Variants in PICALM observed in about 807,000 individuals in gnomAD.
PICALM encodes phosphatidylinositol binding clathrin assembly protein, also known as phosphatidylinositol-binding clathrin assembly protein.
PICALM carries 40 observed loss-of-function variants against 80.5 expected under a neutral mutation model. That is an observed-to-expected ratio of 0.50 (90% CI 0.39 to 0.65). The LOEUF is 0.65. PICALM is among the 30% of genes least tolerant of loss of function. PICALM has a pLI of 0.00. For missense variants in PICALM, 676 were observed against 778.9 expected (o/e 0.87, Z 1.57); for synonymous variants, 288 against 260.3 (o/e 1.11, Z -1.02).
chr11:86,062,939 T>C (rs1565610881), intron 1 of PICALM, among the ~76,000 whole-genome samples: 1 of 152,232 alleles, frequency 6.6e-6, no homozygotes, highest in Non-Finnish European at 1.5e-5. Flanking sequence ...AGACTTTACT[T>C]TGAAAGTCTA....
At chr11:86,052,634 G>A (rs1287858177) in intron 1 of PICALM, among the ~76,000 whole-genome samples, 1 of 152,162 alleles carries the variant, frequency 6.6e-6, no homozygotes, top group East Asian at 1.9e-4. Context: ...TCAGCTTCCA[G>A]ATCAGCAAAA....
At chr11:85,987,629 G>T (rs184289919) in intron 13 of PICALM, among the ~76,000 whole-genome samples, 1 of 152,192 alleles carries the variant, frequency 6.6e-6, no homozygotes, top group African/African-American at 2.4e-5. Context: ...ACATATACAA[G>T]AATTTTAAAT....
intron 1 of PICALM, among the ~76,000 whole-genome samples, chr11:86,045,511 T>C (rs534126158): frequency 2.1e-5 from 2 of 95,638 alleles, no homozygotes; most frequent in Non-Finnish European, 2.1e-5. Flanking sequence ...AGACCCTGTC[T>C]TGAAATTCAA....
intron 1 of PICALM, among the ~76,000 whole-genome samples, chr11:86,060,970 T>C (rs1365165251): frequency 6.6e-6 from 1 of 152,166 alleles, no homozygotes; most frequent in Admixed American, 6.5e-5. Flanking sequence ...TTTTCTGCTC[T>C]GTGAAAGGCA....
chr11:85,960,093 C>A (rs1352763863), intron 19 of PICALM, among the ~76,000 whole-genome samples: 1 of 152,022 alleles, frequency 6.6e-6, no homozygotes, highest in Non-Finnish European at 1.5e-5. Context: ...TATACTAAGT[C>A]TTTTTATTAA....
chr11:86,011,530 T>C (rs1353859989), intron 6 of PICALM, among the ~76,000 whole-genome samples: 1 of 152,212 alleles, frequency 6.6e-6, no homozygotes, highest in African/African-American at 2.4e-5. Flanking sequence ...AGAAAGTTCA[T>C]TTAAGTTTAA....
intron 8 of PICALM, among the ~76,000 whole-genome samples, chr11:86,006,083 C>T (rs966926133): frequency 5.3e-5 from 8 of 152,138 alleles, no homozygotes; most frequent in African/African-American, 1.7e-4. Flanking sequence ...GGAAGCATAA[C>T]AAATGGGGTG....
chr11:85,960,804 G>C, intron 19 of PICALM: 4 of 1,064,892 alleles, frequency 3.8e-6, no homozygotes, highest in Admixed American at 7.5e-5. Context: ...CAGAGAGAGG[G>C]AAAGAAAAAA....
At chr11:86,065,530 T>C (rs546798986) in intron 1 of PICALM, among the ~76,000 whole-genome samples, 3 of 152,330 alleles carry the variant, frequency 2.0e-5, no homozygotes, top group African/African-American at 7.2e-5. Flanking sequence ...AGAAGCTACT[T>C]TCTATGTATA....
At chr11:86,038,595 AG>A (rs939488947) in intron 1 of PICALM, among the ~76,000 whole-genome samples, 4 of 152,022 alleles carry the variant, frequency 2.6e-5, no homozygotes, top group African/African-American at 9.7e-5. Flanking sequence ...AGCCTGGCCA[AG>A]ATGCTGAAAC....
chr11:86,025,581 CAG>C (rs1179175335), intron 3 of PICALM, among the ~76,000 whole-genome samples: 8 of 151,144 alleles, frequency 5.3e-5, no homozygotes, highest in African/African-American at 1.9e-4. Context: ...TTTTTTGAGA[CAG>C]AGTCTAGCTT....
chr11:86,004,161 A>C (rs117717391), intron 8 of PICALM, among the ~76,000 whole-genome samples: 2 of 152,236 alleles, frequency 1.3e-5, no homozygotes, highest in Admixed American at 1.3e-4. Flanking sequence ...ACAATAGTCA[A>C]AAACTGCAAA....
intron 2 of PICALM, among the ~76,000 whole-genome samples, chr11:86,029,150 T>C (rs1341904501): frequency 6.6e-6 from 1 of 152,102 alleles, no homozygotes; most frequent in Non-Finnish European, 1.5e-5. Flanking sequence ...GTTCTGTGCA[T>C]TATTGTAAGA....
chr11:86,042,883 GTACTA>G (rs1178031170), intron 1 of PICALM, among the ~76,000 whole-genome samples: 1 of 152,134 alleles, frequency 6.6e-6, no homozygotes. Context: ...GCAGATCAGA[GTACTA>G]TAAAGGAAAA....
chr11:85,966,188 G>A (rs1004460162), intron 19 of PICALM, among the ~76,000 whole-genome samples: 4 of 151,176 alleles, frequency 2.6e-5, no homozygotes, highest in Non-Finnish European at 4.4e-5. Flanking sequence ...AATGTATGTT[G>A]TATCTGAACC....
chr11:86,006,165 T>C (rs2095272250), intron 8 of PICALM, among the ~76,000 whole-genome samples: 1 of 152,246 alleles, frequency 6.6e-6, no homozygotes, highest in African/African-American at 2.4e-5. Flanking sequence ...TTGTCTCATG[T>C]TCAACCCAGA....
chr11:86,060,820 C>A (rs1270367655), intron 1 of PICALM, among the ~76,000 whole-genome samples: 1 of 150,700 alleles, frequency 6.6e-6, no homozygotes, highest in Non-Finnish European at 1.5e-5. Flanking sequence ...ATGTAAAATG[C>A]AAAATTATAA....
At chr11:86,033,996 G>C (rs945170693) in intron 1 of PICALM, among the ~76,000 whole-genome samples, 3 of 152,186 alleles carry the variant, frequency 2.0e-5, no homozygotes, top group Admixed American at 1.3e-4. Context: ...AAATTAAAAG[G>C]GGATCTAACA....
At chr11:86,006,418 C>A (rs919797788) in intron 8 of PICALM, among the ~76,000 whole-genome samples, 1 of 152,056 alleles carries the variant, frequency 6.6e-6, no homozygotes, top group Non-Finnish European at 1.5e-5. Flanking sequence ...GAAGCCTAGG[C>A]GGGCAGATCA....
Sources: allele counts gnomAD v4.1 joint callset (sites outside exome capture counted in the v4.1 genomes callset), GRCh38; gene constraint gnomAD v4.1.1; transcripts MANE v1.5; gene names NCBI Gene and HGNC (gene_info 2026-07-23, HGNC 2026-07-21).